XAGE2: variants seen among roughly 807,000 people sequenced by gnomAD.
The protein encoded by XAGE2 is G antigen family D member 3.
XAGE2 carries 7 observed loss-of-function variants against 9.9 expected under a neutral mutation model. The observed-to-expected ratio is 0.71, with a 90% CI of 0.40 to 1.32. The LOEUF is 1.32. Among genes scored for constraint, XAGE2 ranks in the 40% most tolerant of loss-of-function variants. XAGE2 has a pLI of 0.01. For missense variants in XAGE2, 85 were observed against 81.0 expected, an observed-to-expected ratio of 1.05 and a Z score of -0.19; for synonymous variants, 31 against 26.8, an observed-to-expected ratio of 1.16 and a Z score of -0.48.
intron 3 of XAGE2, 70 bp from the exon 4 acceptor site, chrX:52,372,474 G>T: frequency 1.7e-6 from 2 of 1,164,142 alleles, no homozygotes; most frequent in East Asian, 3.0e-5. Flanking sequence ...CTGTGGAATA[G>T]AATATTATTA....
intron 4 of XAGE2, among the ~76,000 whole-genome samples, chrX:52,374,935 G>A (rs1921277888): frequency 9.0e-6 from 1 of 111,654 alleles, no homozygotes; most frequent in African/African-American, 3.3e-5. Flanking sequence ...GACTATAGGT[G>A]AAAACTGGGG....
At chrX:52,370,767 A>G (rs1921170477) in intron 3 of XAGE2, 95 bp downstream of exon 3, 2 of 866,797 alleles carry the variant, frequency 2.3e-6, no homozygotes, top group African/African-American at 2.0e-5. Context: ...AGGAAAGAAA[A>G]CATTAGGAAA....
intron 1 of XAGE2, among the ~76,000 whole-genome samples, chrX:52,369,639 A>T (rs1204800029): frequency 8.9e-6 from 1 of 112,038 alleles, no homozygotes; most frequent in African/African-American, 3.2e-5. Flanking sequence ...CCTTGATTTT[A>T]GGGAGGGAAA....
chrX:52,370,684 G>A lies in XAGE2; in HGVS notation c.187+12G>A. 8.3e-7 allele frequency: 1 copy of A among 1,202,253 alleles called. No homozygotes were observed. Among genetic ancestry groups the A allele is most frequent in the Admixed American group, 2.2e-5 (1 of 45,803 alleles). ...AGCTGAGATTCAAGGTGCTGGGAAA[G>A]GAAAGAAATAATGCCTATAGGGGGA... On this transcript the variant is annotated intron_variant, in intron 3 of 4. Coordinates refer to ENST00000286049, the MANE Select transcript of XAGE2 (RefSeq NM_130777.3).
At chrX:52,372,167 A>G (rs1921207911) in intron 3 of XAGE2, among the ~76,000 whole-genome samples, 1 of 110,864 alleles carries the variant, frequency 9.0e-6, no homozygotes, top group Non-Finnish European at 1.9e-5. Flanking sequence ...CCTGGGAAAC[A>G]TGGGGAAACA....
intron 4 of XAGE2, among the ~76,000 whole-genome samples, chrX:52,375,179 A>T (rs1921284706): frequency 8.9e-6 from 1 of 112,133 alleles, no homozygotes; most frequent in East Asian, 2.8e-4. Context: ...ATTAAATTGT[A>T]CATTTTTTAT....
rs1426982806 is a variant in XAGE2, at chrX:52,370,647, T to TG, written c.163dup (p.Asp55GlyfsTer6). The TG allele has an allele frequency of 2.5e-6, 3 of 1,209,049 alleles. No individual in the cohort carries two copies. Among genetic ancestry groups the TG allele is most frequent in the Non-Finnish European group, 3.4e-6 (3 of 894,903 alleles). On this transcript the variant is annotated frameshift_variant, in exon 3 of 5. Coordinates refer to ENST00000286049, the MANE Select transcript of XAGE2 (RefSeq NM_130777.3). LOFTEE classifies it high-confidence loss of function. ...CTACACCTGATCAGAAGAGAGAAGATGATCAGGGTGCAGCTGAGATTCAAG... is the reference window on the plus strand; with the variant it reads ...CTACACCTGATCAGAAGAGAGAAGATGGATCAGGGTGCAGCTGAGATTCAAG...
rs1267559692 is a variant in XAGE2, at chrX:52,370,003, G to A, written c.-8-4G>A. On this transcript the variant is annotated splice_region_variant and splice_polypyrimidine_tract_variant and intron_variant, in intron 1 of 4. Transcript: ENST00000286049. ...CTTTCCCAATCACAGTATTCTGTTT[G>A]CAGAGTGAAATATGAGTTGGCGAGG... The A allele has an allele frequency of 8.3e-7, 1 of 1,210,997 alleles. No individual in the cohort carries two copies. Among genetic ancestry groups the A allele is most frequent in the Admixed American group, 2.2e-5 (1 of 46,142 alleles).
chrX:52,372,736 TAGAG>T, intron 4 of XAGE2, 67 bp downstream of exon 4: 2 of 1,153,029 alleles, frequency 1.7e-6, no homozygotes, highest in Non-Finnish European at 2.4e-6. Context: ...CTTTTGATCA[TAGAG>T]AGATAATATT....
At chrX:52,370,353 G>C (rs934460646) in intron 2 of XAGE2, among the ~76,000 whole-genome samples, 37 of 112,144 alleles carry the variant, frequency 3.3e-4, no homozygotes, top group African/African-American at 1.1e-3. Context: ...AGATTAAAAT[G>C]GTTTCCAAAG....
intron 4 of XAGE2, 86 bp downstream of exon 4, chrX:52,372,755 C>T: frequency 2.7e-6 from 3 of 1,096,227 alleles, no homozygotes; most frequent in Non-Finnish European, 3.8e-6. Flanking sequence ...AATATTACTG[C>T]CACTTTAATA....
At chrX:52,373,305 TC>T (rs1158751890) in intron 4 of XAGE2, among the ~76,000 whole-genome samples, 1 of 112,307 alleles carries the variant, frequency 8.9e-6, no homozygotes, top group Non-Finnish European at 1.9e-5. Flanking sequence ...ATGTTTGTTT[TC>T]CAGCATGGAG....
chrX:52,370,883 T>C (rs1409951745), intron 3 of XAGE2, among the ~76,000 whole-genome samples: 7 of 112,194 alleles, frequency 6.2e-5, no homozygotes, highest in African/African-American at 2.3e-4. Context: ...TCAAGATTTA[T>C]TTTGTATGCT....
At chrX:52,371,529 G>A (rs930538674) in intron 3 of XAGE2, among the ~76,000 whole-genome samples, 10 of 112,043 alleles carry the variant, frequency 8.9e-5, no homozygotes, top group Non-Finnish European at 1.1e-4. Flanking sequence ...CTCAAAGTAT[G>A]ATACAATTAT....
At chrX:52,372,767 C>A (rs1921224823) in intron 4 of XAGE2, 98 bp downstream of exon 4, 1 of 1,065,871 alleles carries the variant, frequency 9.4e-7, no homozygotes, top group Non-Finnish European at 1.3e-6. Flanking sequence ...ACTTTAATAA[C>A]AGTGTTCAAA....
chrX:52,369,400 A>G (rs1273884922), intron 1 of XAGE2, among the ~76,000 whole-genome samples, 186 bp downstream of exon 1: 1 of 110,501 alleles, frequency 9.0e-6, no homozygotes, highest in African/African-American at 3.3e-5. Flanking sequence ...AGTGCCTGGA[A>G]CTCCCAATGG....
chrX:52,369,894 C>T, intron 1 of XAGE2, 113 bp from the exon 2 acceptor site: 1 of 840,912 alleles, frequency 1.2e-6, no homozygotes, highest in Non-Finnish European at 1.8e-6. Flanking sequence ...GACTTACTTT[C>T]AAATTATTTC....
chrX:52,372,561 G>C lies in XAGE2; in HGVS notation c.205G>C (p.Asp69His). 1 of 1,210,984 alleles carries C rather than the reference G, an allele frequency of 8.3e-7. No individual in the cohort carries two copies. The highest frequency in any genetic ancestry group is 3.0e-5 in the East Asian group (1 of 33,804). ...TTTTTTAGTGCCTGACCTGGAAGCC[G>C]ATCTCCAGGAGCTATGTCAGACAAA... Reference protein sequence around the residue: ...AEIQVPDLEADLQELCQTKTG... With the variant: ...AEIQVPDLEAHLQELCQTKTG... The change falls in exon 4 of 5, where the codon GAT becomes CAT. Residue 69 changes from aspartate to histidine, a missense_variant. Transcript: ENST00000286049.
At chrX:52,373,943 C>T (rs977263194) in intron 4 of XAGE2, among the ~76,000 whole-genome samples, 2 of 110,934 alleles carry the variant, frequency 1.8e-5, no homozygotes, top group South Asian at 7.7e-4. Flanking sequence ...GAATAGATAG[C>T]AAATTACATG....
Sources: gnomAD v4.1 joint callset for allele counts (sites outside exome capture counted in the v4.1 genomes callset) on GRCh38, gnomAD v4.1.1 for gene constraint, MANE v1.5 for transcripts, NCBI Gene and HGNC (gene_info 2026-07-23, HGNC 2026-07-21) for gene names.